Variants in ITGB3 observed in about 807,000 individuals in gnomAD.
ITGB3 encodes integrin beta-3.
ITGB3 carries 48 observed loss-of-function variants against 85.8 expected under a neutral mutation model. That is an observed-to-expected ratio of 0.56 (90% CI 0.44 to 0.71). The LOEUF is 0.71. Ranked by LOEUF, ITGB3 falls within the 30% of genes least tolerant of loss-of-function variation. ITGB3 has a pLI of 0.00. For synonymous variants in ITGB3, 363 were observed against 395.6 expected, an observed-to-expected ratio of 0.92 and a Z score of 0.98; for missense variants, 861 against 1,019.1, an observed-to-expected ratio of 0.84 and a Z score of 2.11.
intron 9 of ITGB3, among the ~76,000 whole-genome samples, chr17:47,291,764 C>CA (rs1359475480): frequency 6.6e-6 from 1 of 152,004 alleles, no homozygotes; most frequent in Non-Finnish European, 1.5e-5. Flanking sequence ...TTGTGTGGTG[C>CA]AAAATAGTGC....
At chr17:47,309,459 A>G (rs1236694642) in intron 14 of ITGB3, among the ~76,000 whole-genome samples, 1 of 152,170 alleles carries the variant, frequency 6.6e-6, no homozygotes, top group African/African-American at 2.4e-5. Context: ...TCCCTTGTCC[A>G]CATCTCCTAT....
At chr17:47,279,657 G>A (rs781232996) in intron 2 of ITGB3, 5 of 152,194 alleles carry the variant, frequency 3.3e-5, no homozygotes, top group Non-Finnish European at 5.9e-5. Flanking sequence ...GGAAACTCCC[G>A]TCTAATGCAT....
intron 10 of ITGB3, among the ~76,000 whole-genome samples, chr17:47,298,684 G>T (rs867645803): frequency 6.6e-6 from 1 of 152,186 alleles, no homozygotes; most frequent in Non-Finnish European, 1.5e-5. Context: ...TTAGTGGGAC[G>T]GGACCAGCTC....
chr17:47,302,940 G>C, intron 13 of ITGB3, 100 bp downstream of exon 13: 1 of 1,405,310 alleles, frequency 7.1e-7, no homozygotes, highest in Non-Finnish European at 9.9e-7. Context: ...AGCAAAACAG[G>C]TTAAGCCTGC....
intron 1 of ITGB3, among the ~76,000 whole-genome samples, chr17:47,261,378 C>T (rs1325310352): frequency 6.6e-6 from 1 of 152,018 alleles, no homozygotes; most frequent in Non-Finnish European, 1.5e-5. Context: ...GTACCAGTAC[C>T]AGTTCCTTGT....
intron 2 of ITGB3, among the ~76,000 whole-genome samples, chr17:47,282,331 CCTT>C (rs1204619324): frequency 6.6e-6 from 1 of 152,174 alleles, no homozygotes; most frequent in Non-Finnish European, 1.5e-5. Flanking sequence ...CCATCTATCT[CCTT>C]AACTCTTTTC....
chr17:47,260,010 A>G (rs150892201), intron 1 of ITGB3, among the ~76,000 whole-genome samples: 10 of 152,312 alleles, frequency 6.6e-5, no homozygotes, highest in Admixed American at 2.0e-4. Context: ...CTATTCCCCT[A>G]TAATGTTCAT....
intron 10 of ITGB3, among the ~76,000 whole-genome samples, chr17:47,295,221 G>A (rs998521874): frequency 1.3e-5 from 2 of 152,138 alleles, no homozygotes; most frequent in Admixed American, 6.5e-5. Flanking sequence ...GACTTGACTG[G>A]GGACAGGGTA....
Position 47,299,466 on chromosome 17 carries a change from C to A in ITGB3, c.1849C>A (p.Pro617Thr), listed in dbSNP as rs866062442. The A allele has an allele frequency of 1.2e-5, 20 of 1,614,122 alleles. No individual in the cohort carries two copies. In the African/African-American group the frequency reaches 2.7e-4, roughly 22 times the overall value. Reference sequence around the variant, plus strand: ...ATGTGGCAGCTGTGTCTGTATCCAGCCGGGCTCCTATGGGGACACCTGTGA... The same window carrying A: ...ATGTGGCAGCTGTGTCTGTATCCAGACGGGCTCCTATGGGGACACCTGTGA... ...CECGSCVCIQ[P>T]GSYGDTCEKC... Residue 617 changes from proline (P) to threonine (T), a missense_variant, in exon 11 of 15, where the codon CCG becomes ACG. Pro to Thr is a conservative substitution (Grantham distance 38). Coordinates refer to ENST00000559488, the MANE Select transcript of ITGB3 (RefSeq NM_000212.3). This position sits in a 1 kb window ranked among gnomAD's most constrained non-coding sequence, Gnocchi z 5.1.
intron 1 of ITGB3, among the ~76,000 whole-genome samples, chr17:47,258,760 T>C (rs2064999272): frequency 6.6e-6 from 1 of 152,192 alleles, no homozygotes; most frequent in Non-Finnish European, 1.5e-5. Context: ...AGCTCTTTTG[T>C]AATCGATACC....
At chr17:47,290,845 G>A (rs1429881545) in intron 8 of ITGB3, 109 bp from the exon 9 acceptor site, 3 of 1,296,664 alleles carry the variant, frequency 2.3e-6, no homozygotes, top group African/African-American at 2.9e-5. Context: ...CACTGCTGGG[G>A]TGAGTCCAGA....
In ITGB3 at chr17:47,292,144, C is replaced by T. The variant is rs2065128851; in HGVS notation, c.1266C>T (p.Ser422=). 2 of 1,614,006 alleles carry T rather than the reference C, an allele frequency of 1.2e-6. No individual in the cohort carries two copies. Among genetic ancestry groups the T allele is most frequent in the African/African-American group, 1.3e-5 (1 of 74,918 alleles). The change falls in exon 10 of 15, where the codon AGC becomes AGT. Residue 422 remains serine (S), a synonymous_variant. Transcript: ENST00000559488. ...CMGLKIGDTV[S]FSIEAKVRGC... is the part of the protein sequence containing the mutation. ...CAATCTTTCTTTCCATCCAGGTGAG[C>T]TTCAGCATTGAGGCCAAGGTGCGAG...
intron 14 of ITGB3, among the ~76,000 whole-genome samples, chr17:47,308,160 A>AAAAAATAATAATAATAATAAT: frequency 7.2e-6 from 1 of 138,558 alleles, no homozygotes; most frequent in Admixed American, 7.2e-5. Context: ...TCGGTCTCAA[A>AAAAAATAATAATAATAATAAT]AATAATAATA....
chr17:47,264,594 A>G (rs192387644), intron 1 of ITGB3, among the ~76,000 whole-genome samples: 5 of 152,136 alleles, frequency 3.3e-5, no homozygotes, highest in Admixed American at 2.0e-4. Context: ...AAAAAGCCAC[A>G]CTCTCTACCA....
chr17:47,260,019 A>T (rs1567758474), intron 1 of ITGB3, among the ~76,000 whole-genome samples: 3 of 152,196 alleles, frequency 2.0e-5, no homozygotes, highest in Non-Finnish European at 4.4e-5. Context: ...TATAATGTTC[A>T]TATTAATCAG....
At position 47,311,807 on chromosome 17, in the gene ITGB3, G is replaced by C. The variant is rs928715958; in HGVS notation, c.*1603G>C. On this transcript the variant is annotated 3_prime_UTR_variant, in exon 15 of 15. Transcript: ENST00000559488. The stretch of plus-strand genomic sequence containing the variant: ...AAAAAAGAAAGACTTATCAACATTT[G>C]TTCCATGAGCAGAAAACTGGAGCTC... The C allele has an allele frequency of 4.6e-5, 7 of 152,216 alleles. No homozygotes were observed. Among genetic ancestry groups the C allele is most frequent in the Non-Finnish European group, 7.3e-5 (5 of 68,034 alleles). 9.4% of individuals were successfully genotyped at this position (152,216 alleles called of 1,614,324 possible). A position where few individuals can be genotyped will look rare whatever the true frequency, so the allele number is the denominator to read the frequency against.
intron 1 of ITGB3, 111 bp from the exon 2 acceptor site, chr17:47,274,308 G>A: frequency 1.2e-6 from 1 of 865,626 alleles, no homozygotes; most frequent in Non-Finnish European, 1.9e-6. Flanking sequence ...GTGTGTTTGT[G>A]TGCACCTGAG....
Position 47,290,291 on chromosome 17 carries a change from G to C in ITGB3, c.1125+17G>C. 2 of 1,606,010 alleles carry C rather than the reference G, an allele frequency of 1.2e-6. No homozygotes were observed. The highest frequency in any genetic ancestry group is 2.2e-5 in the South Asian group (2 of 90,928). On this transcript the variant is annotated intron_variant, in intron 8 of 14. Coordinates refer to ENST00000559488, the MANE Select transcript of ITGB3 (RefSeq NM_000212.3). ...GCTTATGGGGTAAGTGTCTTGTGCT[G>C]GGAATAGTCCCGCGGAGAGTCCACC...
At chr17:47,274,607 C>A in intron 2 of ITGB3, 103 bp downstream of exon 2, 1 of 947,480 alleles carries the variant, frequency 1.1e-6, no homozygotes, top group Non-Finnish European at 1.7e-6. Flanking sequence ...ACACATGCCC[C>A]TTATCCCTTC....
Sources: allele counts gnomAD v4.1 joint callset (sites outside exome capture counted in the v4.1 genomes callset), GRCh38; gene constraint gnomAD v4.1.1; non-coding constraint Gnocchi (gnomAD v3.1); transcripts MANE v1.5; gene names NCBI Gene and HGNC (gene_info 2026-07-23, HGNC 2026-07-21).